The following AGBL1 variants were observed in gnomAD, a reference collection of about 807,000 sequenced individuals.
AGBL1 encodes the protein cytosolic carboxypeptidase 4.
Under a neutral mutation model 118.9 loss-of-function variants are expected in AGBL1, and 130 were observed. The ratio of observed to expected loss-of-function variants is 1.09; its 90% CI spans 0.95 to 1.26. The LOEUF (loss-of-function observed/expected upper bound fraction) is 1.26, where lower values mean the gene tolerates loss of function less well. Among genes scored for constraint, AGBL1 ranks in the 50% most tolerant of loss-of-function variants. The pLI is 0.00. For synonymous variants in AGBL1, 555 were observed against 478.9 expected, an observed-to-expected ratio of 1.16 and a Z score of -2.08; for missense variants, 1,584 against 1,298.1, an observed-to-expected ratio of 1.22 and a Z score of -3.38.
intron 22 of AGBL1, among the ~76,000 whole-genome samples, chr15:86,866,303 T>C (rs550300352): frequency 6.6e-6 from 1 of 152,316 alleles, no homozygotes; most frequent in African/African-American, 2.4e-5. Context: ...GGTACTATTC[T>C]TGAATTGTTG....
chr15:86,915,633 C>G lies in AGBL1; in HGVS notation c.*8339C>G, dbSNP rs2080410975. 6.6e-6 allele frequency: 1 copy of G among 152,154 alleles called. No individual in the cohort carries two copies. Among genetic ancestry groups the G allele is most frequent in the Non-Finnish European group, 1.5e-5 (1 of 68,048 alleles). The allele number at this position is 152,154 out of a possible 1,614,324, so 9.4% of individuals were successfully genotyped here. A position where few individuals can be genotyped will look rare whatever the true frequency, so the allele number is the denominator to read the frequency against. On this transcript the variant is annotated 3_prime_UTR_variant, in exon 23 of 23. Coordinates refer to ENST00000614907, the MANE Select transcript of AGBL1 (RefSeq NM_001386094.1). ...TTGCCTGTGGACTTTGCTGTCCCCT[C>G]TTCACCTCCCCCCCACCGCCCCACT...
At chr15:86,267,503 G>T (rs1328386844) in intron 13 of AGBL1, among the ~76,000 whole-genome samples, 1 of 152,134 alleles carries the variant, frequency 6.6e-6, no homozygotes, top group South Asian at 2.1e-4. Context: ...TATGCCTGTT[G>T]CTCTCATTCC....
chr15:86,257,120 A>T, intron 8 of AGBL1, 102 bp downstream of exon 8: 1 of 1,261,468 alleles, frequency 7.9e-7, no homozygotes, highest in Non-Finnish European at 1.1e-6. Context: ...TTTATAGGTC[A>T]ACCATAATTG....
chr15:86,697,733 C>T (rs935697842), intron 22 of AGBL1, among the ~76,000 whole-genome samples: 1 of 151,860 alleles, frequency 6.6e-6, no homozygotes, highest in African/African-American at 2.4e-5. Context: ...GAGGGAAGAT[C>T]TGGGGATCAA....
intron 20 of AGBL1, among the ~76,000 whole-genome samples, chr15:86,550,984 A>T (rs2083656342): frequency 6.6e-6 from 1 of 152,030 alleles, no homozygotes; most frequent in African/African-American, 2.4e-5. Flanking sequence ...AAATTAACTT[A>T]TGGATCAAAG....
Position 86,815,099 on chromosome 15 carries a change from T to G in AGBL1, c.3159-91988T>G, listed in dbSNP as rs189226346. 1.4e-3 allele frequency among the ~76,000 whole-genome samples: 208 copies of G among 152,268 alleles called. 2 individuals carry two copies. Among genetic ancestry groups the G allele is most frequent in the African/African-American group, 4.7e-3 (195 of 41,542 alleles). ...TTATGGGAAAGCATAATATAATATTTTGTGTACCTGTAAATAAGTGACATT... is the reference window on the plus strand; with the variant it reads ...TTATGGGAAAGCATAATATAATATTGTGTGTACCTGTAAATAAGTGACATT... On this transcript the variant is annotated intron_variant, in intron 22 of 22. Coordinates refer to ENST00000614907, the MANE Select transcript of AGBL1 (RefSeq NM_001386094.1).
intron 22 of AGBL1, among the ~76,000 whole-genome samples, chr15:86,841,104 A>G (rs980851192): frequency 6.6e-6 from 1 of 152,256 alleles, no homozygotes; most frequent in Non-Finnish European, 1.5e-5. Flanking sequence ...AGAATAGAGC[A>G]GCAAGGATGA....
intron 6 of AGBL1, among the ~76,000 whole-genome samples, chr15:86,226,726 G>C (rs1407943578): frequency 1.3e-5 from 2 of 152,152 alleles, no homozygotes; most frequent in African/African-American, 4.8e-5. Context: ...GCAGTGATGG[G>C]CCTCAGCTTT....
chr15:86,740,593 G>T (rs1056197161), intron 22 of AGBL1, among the ~76,000 whole-genome samples: 1 of 152,184 alleles, frequency 6.6e-6, no homozygotes, highest in Non-Finnish European at 1.5e-5. Context: ...GTGAAGTTGA[G>T]TGATGATTAT....
At chr15:86,303,296 G>T (rs1289665775) in intron 17 of AGBL1, among the ~76,000 whole-genome samples, 1 of 152,108 alleles carries the variant, frequency 6.6e-6, no homozygotes, top group East Asian at 1.9e-4. Context: ...ATCAGTTGTT[G>T]GTCAACTAAG....
chr15:86,586,171 C>T (rs1363667481), intron 21 of AGBL1, among the ~76,000 whole-genome samples: 1 of 152,202 alleles, frequency 6.6e-6, no homozygotes, highest in Non-Finnish European at 1.5e-5. Flanking sequence ...CCCCCTCTCT[C>T]TTGCTTACTC....
intron 22 of AGBL1, among the ~76,000 whole-genome samples, chr15:86,772,129 C>T (rs1448559490): frequency 6.6e-6 from 1 of 151,994 alleles, no homozygotes; most frequent in Non-Finnish European, 1.5e-5. Flanking sequence ...CCCAGCATCT[C>T]CTTCAGCATC....
chr15:86,139,587 C>G (rs908696347), intron 1 of AGBL1, among the ~76,000 whole-genome samples: 3 of 151,262 alleles, frequency 2.0e-5, no homozygotes, highest in Non-Finnish European at 2.9e-5. Context: ...GGTGGAAACT[C>G]GTCTCTTCTG....
At chr15:86,301,091 C>T (rs898190829) in intron 17 of AGBL1, among the ~76,000 whole-genome samples, 2 of 152,144 alleles carry the variant, frequency 1.3e-5, no homozygotes, top group Non-Finnish European at 2.9e-5. Flanking sequence ...CAGAGCTTTC[C>T]GTTGGGGAGA....
At chr15:86,233,200 G>A (rs2078484095) in intron 6 of AGBL1, among the ~76,000 whole-genome samples, 1 of 152,154 alleles carries the variant, frequency 6.6e-6, no homozygotes. Context: ...ATGGAGTCAG[G>A]AAACTGGACT....
intron 22 of AGBL1, among the ~76,000 whole-genome samples, chr15:86,841,199 G>A (rs2079240104): frequency 6.6e-6 from 1 of 152,142 alleles, no homozygotes; most frequent in African/African-American, 2.4e-5. Context: ...AAAGATGGCA[G>A]TTGACCAAAC....
intron 22 of AGBL1, among the ~76,000 whole-genome samples, chr15:86,723,829 G>A (rs571129215): frequency 6.6e-6 from 1 of 152,206 alleles, no homozygotes; most frequent in African/African-American, 2.4e-5. Flanking sequence ...GTGAAAAGGT[G>A]GCAGGACCAA....
At chr15:86,189,803 C>T (rs1254967561) in intron 5 of AGBL1, among the ~76,000 whole-genome samples, 3 of 152,160 alleles carry the variant, frequency 2.0e-5, no homozygotes, top group Non-Finnish European at 1.5e-5. Context: ...CTCACGTCTT[C>T]CTTTATAGCA....
At chr15:86,328,986 G>T (rs1228763186) in intron 17 of AGBL1, among the ~76,000 whole-genome samples, 1 of 152,168 alleles carries the variant, frequency 6.6e-6, no homozygotes, top group East Asian at 1.9e-4. Flanking sequence ...GAGGGGTTAG[G>T]GACATCCATA....
Sources: gnomAD v4.1 joint callset for allele counts (sites outside exome capture counted in the v4.1 genomes callset) on GRCh38, gnomAD v4.1.1 for gene constraint, MANE v1.5 for transcripts, NCBI Gene and HGNC (gene_info 2026-07-23, HGNC 2026-07-21) for gene names.